NKX2-8: variants seen among roughly 807,000 people sequenced by gnomAD.
NKX2-8 encodes homeobox protein Nkx-2.8.
NKX2-8 carries 8 observed loss-of-function variants against 6.4 expected under a neutral mutation model. The observed-to-expected ratio is 1.24, with a 90% CI of 0.73 to 2.24. The LOEUF is 2.24. Ranked by LOEUF, NKX2-8 falls within the 30% of genes most tolerant of loss-of-function variation. NKX2-8 has a pLI of 0.00. For missense variants in NKX2-8, 406 were observed against 351.1 expected, an observed-to-expected ratio of 1.16 and a Z score of -1.25; for synonymous variants, 216 against 171.5, an observed-to-expected ratio of 1.26 and a Z score of -2.03.
At position 36,580,980 on chromosome 14, in the gene NKX2-8, GA is replaced by G; in HGVS notation, c.641del (p.Phe214SerfsTer16). The G allele has an allele frequency of 7.4e-7, 1 of 1,351,812 alleles. No individual in the cohort carries two copies. Among genetic ancestry groups the G allele is most frequent in the Non-Finnish European group, 9.4e-7 (1 of 1,060,680 alleles). 83.7% of individuals were successfully genotyped at this position (1,351,812 alleles called of 1,614,324 possible). On this transcript the variant is annotated frameshift_variant, in exon 2 of 2. Transcript: ENST00000258829. LOFTEE classifies it low-confidence loss of function (END_TRUNC). ...AGAGGCCAAGCGCCGAGCCGGGACC[GA>G]AGGCAGGGTAGCCCGGCAGAGGGCA... ...AACPLPGYPA[F>X]GPGSALGLFP... is the part of the protein sequence containing the mutation.
chr14:36,581,214 G>A lies in NKX2-8; in HGVS notation c.408C>T (p.Arg136=), dbSNP rs1162233838. The A allele has an allele frequency of 6.2e-7, 1 of 1,610,466 alleles. No individual in the cohort carries two copies. The highest frequency in any genetic ancestry group is 8.5e-7 in the Non-Finnish European group (1 of 1,179,376). The change falls in exon 2 of 2, where the codon CGC becomes CGT. Residue 136 remains arginine, a synonymous_variant. Coordinates refer to ENST00000258829, the MANE Select transcript of NKX2-8 (RefSeq NM_014360.4). The surrounding 1 kb of genome is among the most constrained non-coding windows in gnomAD (Gnocchi z 5.6). The part of the protein sequence containing the change: ...TQVKIWFQNH[R]YKLKRARAPG... ...GAGCGCGAGCGCGCTTCAGCTTGTA[G>A]CGATGATTCTGGAACCAGATCTTGA...
At position 36,581,535 on chromosome 14, in the gene NKX2-8, C is replaced by T. The variant is rs1879243280; in HGVS notation, c.158-71G>A. The T allele has an allele frequency of 1.4e-6, 2 of 1,394,372 alleles. No individual in the cohort carries two copies. The highest frequency in any genetic ancestry group is 2.5e-5 in the East Asian group (1 of 39,836). The allele number at this position is 1,394,372 out of a possible 1,614,324, so 86.4% of individuals were successfully genotyped here. On this transcript the variant is annotated intron_variant, in intron 1 of 1. Coordinates refer to ENST00000258829, the MANE Select transcript of NKX2-8 (RefSeq NM_014360.4). The surrounding 1 kb of genome is among the most constrained non-coding windows in gnomAD (Gnocchi z 5.6). ...ACGAGGGCCTGCTGCCCTTCTGGCG[C>T]GGGCGTGGAGGCACTGGCCAGAGGG...
chr14:36,580,914 G>A lies in NKX2-8; in HGVS notation c.708C>T (p.Ser236=). ...YQHLASPALV[S]WNW Reference sequence around the variant, plus strand: ...CCGCCCTGCGGCCTCACCAGTTCCAGGAGACCAGGGCGGGGGATGCTAAGT... The same window carrying A: ...CCGCCCTGCGGCCTCACCAGTTCCAAGAGACCAGGGCGGGGGATGCTAAGT... Residue 236 remains serine, a synonymous_variant, in exon 2 of 2, where the codon TCC becomes TCT. Coordinates refer to ENST00000258829, the MANE Select transcript of NKX2-8 (RefSeq NM_014360.4). 10 of 1,326,602 alleles carry A rather than the reference G, an allele frequency of 7.5e-6. No individual in the cohort carries two copies. Among genetic ancestry groups the A allele is most frequent in the Non-Finnish European group, 9.6e-6 (10 of 1,045,754 alleles). 82.2% of individuals were successfully genotyped at this position (1,326,602 alleles called of 1,614,324 possible).
At position 36,580,639 on chromosome 14, in the gene NKX2-8, TA is replaced by T. The variant is rs1467531887; in HGVS notation, c.*262del. 6 of 378,456 alleles carry T rather than the reference TA, an allele frequency of 1.6e-5. No individual in the cohort carries two copies. The Admixed American group carries it at 2.3e-4, about 14-fold the overall frequency. 23.4% of individuals were successfully genotyped at this position (378,456 alleles called of 1,614,324 possible). ...CTTGCTTCCTATACAAATCGCTATT[TA>T]AAAATATACAAATAAGGCCCAAGCA... On this transcript the variant is annotated 3_prime_UTR_variant, in exon 2 of 2. Transcript: ENST00000258829.
rs1360488077 is a variant in NKX2-8 at position 36,582,317 on chromosome 14, G to A, written c.73C>T (p.Leu25=). The A allele has an allele frequency of 1.9e-6, 3 of 1,607,628 alleles. No homozygotes were observed. The highest frequency in any genetic ancestry group is 2.5e-6 in the Non-Finnish European group (3 of 1,176,656). The change falls in exon 1 of 2, where the codon CTG becomes TTG. Residue 25 remains leucine (L), a synonymous_variant. Transcript: ENST00000258829. ...LDLPEQDAQH[L]PRREPEPRAP... ...CGTGGTTCTGGCTCCCGCCTCGGCA[G>A]GTGTTGCGCGTCCTGCTCGGGTAAA...
chr14:36,582,117 A>C, intron 1 of NKX2-8, 116 bp downstream of exon 1: 3 of 1,184,266 alleles, frequency 2.5e-6, no homozygotes, highest in Non-Finnish European at 3.5e-6. Flanking sequence ...AGACTGAGGA[A>C]ATCTAGACTC....
intron 1 of NKX2-8, among the ~76,000 whole-genome samples, 200 bp downstream of exon 1, chr14:36,582,033 G>T (rs1313980820): frequency 1.3e-5 from 2 of 152,202 alleles, no homozygotes; most frequent in African/African-American, 4.8e-5. Flanking sequence ...CCAGTGCCAG[G>T]CAGGGATCTG....
chr14:36,581,445 C>A lies in NKX2-8; in HGVS notation c.177G>T (p.Leu59=). 1 of 1,572,536 alleles carries A rather than the reference C, an allele frequency of 6.4e-7. No individual in the cohort carries two copies. The highest frequency in any genetic ancestry group is 8.6e-7 in the Non-Finnish European group (1 of 1,161,784). ...GCGACGAGTCTGGCGGGCTGGTCTC[C>A]AGGCTGCTCTCGTCCGAGGCTAGGG... ...GHYPSSDESS[L]ETSPPDSSQR... is the part of the protein sequence containing the mutation. The change falls in exon 2 of 2, where the codon CTG becomes CTT. Residue 59 remains leucine, a synonymous_variant. Coordinates refer to ENST00000258829, the MANE Select transcript of NKX2-8 (RefSeq NM_014360.4). The surrounding 1 kb of genome is among the most constrained non-coding windows in gnomAD (Gnocchi z 5.6).
At position 36,580,892 on chromosome 14, in the gene NKX2-8, C is replaced by T; in HGVS notation, c.*10G>A. 1 of 1,301,476 alleles carries T rather than the reference C, an allele frequency of 7.7e-7. No homozygotes were observed. Among genetic ancestry groups the T allele is most frequent in the East Asian group, 2.9e-5 (1 of 34,314 alleles). The allele number at this position is 1,301,476 out of a possible 1,614,324, so 80.6% of individuals were successfully genotyped here. A position where few individuals can be genotyped will look rare whatever the true frequency, so the allele number is the denominator to read the frequency against. ...AAGTCGAGGGTAGCCCCAGGTGCCG[C>T]CCTGCGGCCTCACCAGTTCCAGGAG... On this transcript the variant is annotated 3_prime_UTR_variant, in exon 2 of 2. Transcript: ENST00000258829.
chr14:36,581,504 G>A lies in NKX2-8; in HGVS notation c.158-40C>T. 1 of 1,474,624 alleles carries A rather than the reference G, an allele frequency of 6.8e-7. No homozygotes were observed. Among genetic ancestry groups the A allele is most frequent in the Non-Finnish European group, 9.0e-7 (1 of 1,109,590 alleles). The allele number at this position is 1,474,624 out of a possible 1,614,324, so 91.3% of individuals were successfully genotyped here. A position where few individuals can be genotyped will look rare whatever the true frequency, so the allele number is the denominator to read the frequency against. On this transcript the variant is annotated intron_variant, in intron 1 of 1. Coordinates refer to ENST00000258829, the MANE Select transcript of NKX2-8 (RefSeq NM_014360.4). This position sits in a 1 kb window ranked among gnomAD's most constrained non-coding sequence, Gnocchi z 5.6. ...GGAGACACGGGTGGGTGAGACGCCGGACCCTACGAGGGCCTGCTGCCCTTC... is the reference window on the plus strand; with the variant it reads ...GGAGACACGGGTGGGTGAGACGCCGAACCCTACGAGGGCCTGCTGCCCTTC...
rs950305015 is a variant in NKX2-8 at position 36,580,749 on chromosome 14, G to A, written c.*153C>T. 5.5e-5 allele frequency: 25 copies of A among 456,310 alleles called. No homozygotes were observed. Among genetic ancestry groups the A allele is most frequent in the African/African-American group, 4.8e-4 (24 of 49,568 alleles). 28.3% of individuals were successfully genotyped at this position (456,310 alleles called of 1,614,324 possible). Reference sequence around the variant, plus strand: ...CGTCCCTCGTGTGTGCTTGCGCGACGGCTGATGAGGGCGCGCCAGGGACCC... The same window carrying A: ...CGTCCCTCGTGTGTGCTTGCGCGACAGCTGATGAGGGCGCGCCAGGGACCC... On this transcript the variant is annotated 3_prime_UTR_variant, in exon 2 of 2. Transcript: ENST00000258829.
Position 36,581,623 on chromosome 14 carries a change from ACCTCT to A in NKX2-8, c.158-164_158-160del, listed in dbSNP as rs1292353671. ...TTCCTGAGTCCACATCTGGACATCC[ACCTCT>A]CCGAATGCGGTGACCTCATTCATAC... On this transcript the variant is annotated intron_variant, in intron 1 of 1. Coordinates refer to ENST00000258829, the MANE Select transcript of NKX2-8 (RefSeq NM_014360.4). This position sits in a 1 kb window ranked among gnomAD's most constrained non-coding sequence, Gnocchi z 5.6. Among the ~76,000 whole-genome samples, 2 of 151,968 alleles carry A rather than the reference ACCTCT, an allele frequency of 1.3e-5. No individual in the cohort carries two copies. The highest frequency in any genetic ancestry group is 6.6e-5 in the Admixed American group (1 of 15,260).
rs765925294 is a variant in NKX2-8 at position 36,581,107 on chromosome 14, G to C, written c.515C>G (p.Pro172Arg). ...APGLLRRVVVPVLVRDGQPCG... is the reference protein window; with the variant it reads ...APGLLRRVVVRVLVRDGQPCG... Reference sequence around the variant, plus strand: ...CGGCTGCCCGTCGCGAACAAGCACCGGCACCACCACGCGACGCAGCAGGCC... The same window carrying C: ...CGGCTGCCCGTCGCGAACAAGCACCCGCACCACCACGCGACGCAGCAGGCC... The change falls in exon 2 of 2, where the codon CCG becomes CGG. Residue 172 changes from proline to arginine, a missense_variant. By Grantham distance (103) the Pro-to-Arg change is moderately radical. Coordinates refer to ENST00000258829, the MANE Select transcript of NKX2-8 (RefSeq NM_014360.4). This position sits in a 1 kb window ranked among gnomAD's most constrained non-coding sequence, Gnocchi z 5.6. 1.7e-5 allele frequency: 25 copies of C among 1,456,988 alleles called. No individual in the cohort carries two copies. The highest frequency in any genetic ancestry group is 2.1e-5 in the Non-Finnish European group (24 of 1,116,832). The allele number at this position is 1,456,988 out of a possible 1,614,324, so 90.3% of individuals were successfully genotyped here. A position where few individuals can be genotyped will look rare whatever the true frequency, so the allele number is the denominator to read the frequency against.
At position 36,580,922 on chromosome 14, in the gene NKX2-8, G is replaced by T; in HGVS notation, c.700C>A (p.Leu234Met). Residue 234 changes from leucine to methionine, a missense_variant, in exon 2 of 2, where the codon CTG (leucine) becomes ATG (methionine). Physicochemically the swap from Leu to Met is conservative, Grantham distance 15. Transcript: ENST00000258829. ...CGGCCTCACCAGTTCCAGGAGACCA[G>T]GGCGGGGGATGCTAAGTGCTGGTAG... ...PAYQHLASPA[L>M]VSWNW 3.7e-6 allele frequency: 5 copies of T among 1,335,418 alleles called. No homozygotes were observed. Among genetic ancestry groups the T allele is most frequent in the Non-Finnish European group, 4.8e-6 (5 of 1,050,996 alleles). The allele number at this position is 1,335,418 out of a possible 1,614,324, so 82.7% of individuals were successfully genotyped here.
chr14:36,580,509 G>A lies in NKX2-8; in HGVS notation c.*393C>T, dbSNP rs1375055088. ...CCAGCGATGCGAACACCGGTCTGGG[G>A]GGCACGACTCCCGCCTACGTTCCCC... is the stretch of plus-strand genomic sequence containing the variant. On this transcript the variant is annotated 3_prime_UTR_variant, in exon 2 of 2. Transcript: ENST00000258829. 1 of 158,434 alleles carries A rather than the reference G, an allele frequency of 6.3e-6. No individual in the cohort carries two copies. The highest frequency in any genetic ancestry group is 1.4e-5 in the Non-Finnish European group (1 of 72,370). 9.8% of individuals were successfully genotyped at this position (158,434 alleles called of 1,614,324 possible). A position where few individuals can be genotyped will look rare whatever the true frequency, so the allele number is the denominator to read the frequency against.
rs943299074 is a variant in NKX2-8, at chr14:36,580,575, G to C, written c.*327C>G. On this transcript the variant is annotated 3_prime_UTR_variant, in exon 2 of 2. Coordinates refer to ENST00000258829, the MANE Select transcript of NKX2-8 (RefSeq NM_014360.4). Reference sequence around the variant, plus strand: ...ACCCAACCCCACACATTTTATTCTCGAACTACGAGGAAAAATACTCTATTT... The same window carrying C: ...ACCCAACCCCACACATTTTATTCTCCAACTACGAGGAAAAATACTCTATTT... The C allele has an allele frequency of 9.5e-6, 2 of 210,544 alleles. No homozygotes were observed. Among genetic ancestry groups the C allele is most frequent in the Non-Finnish European group, 1.9e-5 (2 of 106,768 alleles). The allele number at this position is 210,544 out of a possible 1,614,324, so 13.0% of individuals were successfully genotyped here.
chr14:36,582,601 C>T lies in NKX2-8; in HGVS notation c.-212G>A, dbSNP rs1566632772. 2.2e-6 allele frequency: 1 copy of T among 444,810 alleles called. No homozygotes were observed. The highest frequency in any genetic ancestry group is 2.1e-5 in the African/African-American group (1 of 48,676). 27.6% of individuals were successfully genotyped at this position (444,810 alleles called of 1,614,324 possible). A position where few individuals can be genotyped will look rare whatever the true frequency, so the allele number is the denominator to read the frequency against. On this transcript the variant is annotated 5_prime_UTR_variant, in exon 1 of 2. Transcript: ENST00000258829. ...GTCCGGGTCTCCAGGGTGTTAAGTA[C>T]CTGAATGAGCACTGGACCAGAGCCG...
rs567008454 is a variant in NKX2-8, at chr14:36,581,031, C to G, written c.591G>C (p.Lys197Asn). 1.5e-6 allele frequency: 2 copies of G among 1,353,084 alleles called. No individual in the cohort carries two copies. Among genetic ancestry groups the G allele is most frequent in the Non-Finnish European group, 1.9e-6 (2 of 1,062,724 alleles). 83.8% of individuals were successfully genotyped at this position (1,353,084 alleles called of 1,614,324 possible). A position where few individuals can be genotyped will look rare whatever the true frequency, so the allele number is the denominator to read the frequency against. The change falls in exon 2 of 2, where the codon AAG becomes AAC. Residue 197 changes from lysine to asparagine, a missense_variant. By Grantham distance (94) the Lys-to-Asn change is moderately conservative (BLOSUM62 0). Transcript: ENST00000258829. This position sits in a 1 kb window ranked among gnomAD's most constrained non-coding sequence, Gnocchi z 5.6. The stretch of plus-strand genomic sequence containing the variant: ...AGGCGGCGGCTGGAGGGGCGCCGCA[C>G]TTCTCCTGGGCCGCGGCGGTTCCCA... ...GEVGTAAAQE[K>N]CGAPPAAACP...
In NKX2-8 at chr14:36,582,581, G is replaced by A. The variant is rs1879282756; in HGVS notation, c.-192C>T. 3.9e-6 allele frequency: 2 copies of A among 516,806 alleles called. No individual in the cohort carries two copies. The highest frequency in any genetic ancestry group is 6.5e-6 in the Non-Finnish European group (2 of 306,528). 32.0% of individuals were successfully genotyped at this position (516,806 alleles called of 1,614,324 possible). ...AGGCCGCTTTGAAAGCCGAGGTCCG[G>A]GTCTCCAGGGTGTTAAGTACCTGAA... is the stretch of plus-strand genomic sequence containing the variant. On this transcript the variant is annotated 5_prime_UTR_variant, in exon 1 of 2. Coordinates refer to ENST00000258829, the MANE Select transcript of NKX2-8 (RefSeq NM_014360.4).
Sources: gnomAD v4.1 joint callset for allele counts (sites outside exome capture counted in the v4.1 genomes callset) on GRCh38, gnomAD v4.1.1 for gene constraint, Gnocchi (gnomAD v3.1) non-coding constraint, MANE v1.5 for transcripts, NCBI Gene and HGNC (gene_info 2026-07-23, HGNC 2026-07-21) for gene names.